ARID5B: variants seen among roughly 807,000 people sequenced by gnomAD.
ARID5B encodes AT-rich interactive domain-containing protein 5B.
A neutral mutation model predicts 97.2 loss-of-function variants in ARID5B; 13 were observed. The observed-to-expected ratio is 0.13, with a 90% confidence interval of 0.09 to 0.21. The LOEUF is 0.21. Among genes scored for constraint, ARID5B ranks in the 10% least tolerant of loss-of-function variants. The pLI is 1.00. For synonymous variants in ARID5B, 556 were observed against 570.3 expected (o/e 0.97, Z 0.36); for missense variants, 1,210 against 1,465.3 (o/e 0.83, Z 2.84).
chr10:62,075,480 T>C (rs1256221333), intron 8 of ARID5B, among the ~76,000 whole-genome samples: 24 of 152,098 alleles, frequency 1.6e-4, no homozygotes, highest in Non-Finnish European at 1.5e-5. Flanking sequence ...TTCCAGGCGC[T>C]CTTACTCTGC....
chr10:62,006,756 T>C (rs1327924917), intron 4 of ARID5B, among the ~76,000 whole-genome samples: 1 of 152,248 alleles, frequency 6.6e-6, no homozygotes, highest in East Asian at 1.9e-4. Flanking sequence ...TGTGTGTTGC[T>C]ACTGTAAATT....
chr10:61,967,183 A>C (rs1216218270), intron 3 of ARID5B, among the ~76,000 whole-genome samples: 1 of 152,158 alleles, frequency 6.6e-6, no homozygotes, highest in Non-Finnish European at 1.5e-5. Flanking sequence ...CAAGTTTGAG[A>C]AGGCTTCTAT....
chr10:62,085,858 G>T lies in ARID5B; in HGVS notation c.1356G>T (p.Lys452Asn), dbSNP rs1213791416. Residue 452 changes from lysine to asparagine, a missense_variant, in exon 9 of 10, where the codon AAG becomes AAT. Transcript: ENST00000279873. ...TCAAACATGAAATACCTAAAAGCAA[G>T]AAAGAAAAAGAAAATGCCCCAAAGC... Reference protein sequence around the residue: ...KRIKHEIPKSKKEKENAPKPQ... With the variant: ...KRIKHEIPKSNKEKENAPKPQ... 6 of 1,613,510 alleles carry T rather than the reference G, an allele frequency of 3.7e-6. No homozygotes were observed. The highest frequency in any genetic ancestry group is 3.3e-5 in the Admixed American group (2 of 59,864).
At chr10:61,954,993 C>T (rs931374728) in intron 3 of ARID5B, among the ~76,000 whole-genome samples, 6 of 147,666 alleles carry the variant, frequency 4.1e-5, no homozygotes, top group African/African-American at 7.4e-5. Flanking sequence ...GCAACAAGAG[C>T]GAAACTCCAT....
At chr10:62,002,384 G>A (rs1479655007) in intron 4 of ARID5B, among the ~76,000 whole-genome samples, 7 of 152,138 alleles carry the variant, frequency 4.6e-5, no homozygotes, top group African/African-American at 1.7e-4. Flanking sequence ...TAAAGTGGAA[G>A]CTTTCTTTTG....
intron 3 of ARID5B, among the ~76,000 whole-genome samples, chr10:61,944,654 T>C (rs1446491375): frequency 6.6e-6 from 1 of 152,258 alleles, no homozygotes; most frequent in Non-Finnish European, 1.5e-5. Context: ...TTTGGATTGT[T>C]GTTTAAGCCA....
At chr10:62,047,167 C>T (rs567425416) in intron 4 of ARID5B, among the ~76,000 whole-genome samples, 16 of 152,242 alleles carry the variant, frequency 1.1e-4, no homozygotes, top group Middle Eastern at 6.8e-3. Flanking sequence ...TCTCAGTTTC[C>T]TGGTCTGTAA....
At chr10:62,032,343 T>C (rs557962942) in intron 4 of ARID5B, among the ~76,000 whole-genome samples, 1 of 152,130 alleles carries the variant, frequency 6.6e-6, no homozygotes, top group African/African-American at 2.4e-5. Flanking sequence ...AATGAAAACA[T>C]GAACTATTTA....
intron 3 of ARID5B, among the ~76,000 whole-genome samples, chr10:61,954,107 C>T (rs1838359428): frequency 6.6e-6 from 1 of 151,920 alleles, no homozygotes; most frequent in Non-Finnish European, 1.5e-5. Context: ...GCCTGTAATC[C>T]CAGCAATTTG....
Position 62,096,491 on chromosome 10 carries a change from A to G in ARID5B, c.*3461A>G, listed in dbSNP as rs1400472074. The G allele has an allele frequency of 4.3e-6, 1 of 233,430 alleles. No homozygotes were observed. The highest frequency in any genetic ancestry group is 6.0e-5 in the East Asian group (1 of 16,570). The allele number at this position is 233,430 out of a possible 1,614,324, so 14.5% of individuals were successfully genotyped here. ...TACCATTGCAATGATTATCTTGAGC[A>G]CTTAAAGTCCAGTGTTGGCTGTTAG... On this transcript the variant is annotated 3_prime_UTR_variant, in exon 10 of 10. Coordinates refer to ENST00000279873, the MANE Select transcript of ARID5B (RefSeq NM_032199.3).
chr10:61,954,849 A>G (rs1047225093), intron 3 of ARID5B, among the ~76,000 whole-genome samples: 2 of 152,010 alleles, frequency 1.3e-5, no homozygotes, highest in Non-Finnish European at 2.9e-5. Context: ...TCTACTAAAT[A>G]TATAAAATTA....
chr10:61,911,402 A>T (rs1427066069), intron 2 of ARID5B, among the ~76,000 whole-genome samples: 1 of 152,190 alleles, frequency 6.6e-6, no homozygotes, highest in Non-Finnish European at 1.5e-5. Context: ...TTTTATTAAT[A>T]GTCAAAAATA....
At position 62,013,815 on chromosome 10, in the gene ARID5B, T is replaced by TATAC. The variant is rs915920250; in HGVS notation, c.733+13495_733+13496insTACA. Among the ~76,000 whole-genome samples, 44 of 147,412 alleles carry TATAC rather than the reference T, an allele frequency of 3.0e-4. No homozygotes were observed. The East Asian group carries it at 3.1e-3, about 10-fold the overall frequency. On this transcript the variant is annotated intron_variant, in intron 4 of 9. Coordinates refer to ENST00000279873, the MANE Select transcript of ARID5B (RefSeq NM_032199.3). ...TTGGGTATATATATATATATATATATACCACATTTTCTCTTTTAATTTTTA... is the reference window on the plus strand; with the variant it reads ...TTGGGTATATATATATATATATATATATACACCACATTTTCTCTTTTAATTTTTA...
chr10:62,056,072 C>A (rs10995019), intron 5 of ARID5B, among the ~76,000 whole-genome samples: 1 of 151,632 alleles, frequency 6.6e-6, no homozygotes, highest in Non-Finnish European at 1.5e-5. Flanking sequence ...CTTTGTACTT[C>A]CCCCTTTTAC....
chr10:61,972,803 C>G (rs907812994), intron 3 of ARID5B, among the ~76,000 whole-genome samples: 2 of 152,184 alleles, frequency 1.3e-5, no homozygotes, highest in African/African-American at 4.8e-5. Flanking sequence ...GCAGAATTCT[C>G]AGACTTTTCC....
intron 3 of ARID5B, among the ~76,000 whole-genome samples, chr10:61,968,778 G>A (rs1371172600): frequency 3.3e-5 from 5 of 152,138 alleles, no homozygotes; most frequent in African/African-American, 1.2e-4. Flanking sequence ...CTGAATCAGC[G>A]TATTACTCCT....
intron 3 of ARID5B, among the ~76,000 whole-genome samples, chr10:61,978,340 C>T (rs1311983634): frequency 1.3e-5 from 2 of 152,198 alleles, no homozygotes; most frequent in Non-Finnish European, 2.9e-5. Context: ...CTTGGCCATG[C>T]AGGCTCTTTT....
Position 62,091,234 on chromosome 10 carries a change from C to A in ARID5B, c.1771C>A (p.Gln591Lys), listed in dbSNP as rs1198969767. 1 of 1,614,110 alleles carries A rather than the reference C, an allele frequency of 6.2e-7. No individual in the cohort carries two copies. Among genetic ancestry groups the A allele is most frequent in the Non-Finnish European group, 8.5e-7 (1 of 1,179,988 alleles). Residue 591 changes from glutamine (Q) to lysine (K), a missense_variant, in exon 10 of 10, where the codon CAA becomes AAA. Around this residue, in one of 8 missense-constraint regions of ARID5B, gnomAD observed 800 missense variants for 839.1 expected, o/e 0.95. Transcript: ENST00000279873. ...CFTESPESEP[Q>K]EASFPSFPTT... Reference sequence around the variant, plus strand: ...TACAGAGAGCCCTGAAAGTGAACCCCAAGAAGCATCCTTCCCCAGCTTCCC... The same window carrying A: ...TACAGAGAGCCCTGAAAGTGAACCCAAAGAAGCATCCTTCCCCAGCTTCCC...
intron 4 of ARID5B, among the ~76,000 whole-genome samples, chr10:62,044,600 CG>C (rs1488379410): frequency 6.6e-6 from 1 of 152,026 alleles, no homozygotes; most frequent in African/African-American, 2.4e-5. Context: ...CTCAAGTTCC[CG>C]GTCAAGCAAT....
Sources: allele counts gnomAD v4.1 joint callset (sites outside exome capture counted in the v4.1 genomes callset), GRCh38; gene constraint gnomAD v4.1.1; regional missense constraint gnomAD v4.1.1; transcripts MANE v1.5; gene names NCBI Gene and HGNC (gene_info 2026-07-23, HGNC 2026-07-21).